The following STX3 variants were observed in gnomAD, a reference collection of about 807,000 sequenced individuals.
STX3 encodes the protein syntaxin 3, also known as syntaxin-3.
In STX3, 19 loss-of-function variants were observed where a neutral mutation model predicts 40.2. The observed-to-expected ratio is 0.47, with a 90% CI of 0.33 to 0.69. The LOEUF is 0.69. STX3 is among the 30% of genes least tolerant of loss of function. The pLI is 0.02. For synonymous variants in STX3, 122 were observed against 132.2 expected (o/e 0.92, Z 0.53); for missense variants, 364 against 366.7 (o/e 0.99, Z 0.06).
Position 59,768,314 on chromosome 11 carries a change from CACTT to C in STX3, c.31-4894_31-4891del, listed in dbSNP as rs528533279. On this transcript the variant is annotated intron_variant, in intron 1 of 10. Transcript: ENST00000337979. ...TCAGGTGCCCAGGAGATACTAGTAA[CACTT>C]ACGAGATACTATCCCTGACTTCAGG... 1.1e-4 allele frequency among the ~76,000 whole-genome samples: 16 copies of C among 152,236 alleles called. No individual in the cohort carries two copies. In the South Asian group the frequency reaches 3.3e-3, roughly 32 times the overall value.
intron 3 of STX3, 126 bp from the exon 4 acceptor site, chr11:59,788,747 G>T: frequency 1.5e-6 from 1 of 686,830 alleles, no homozygotes; most frequent in Non-Finnish European, 2.4e-6. Flanking sequence ...GAGTGCGTAG[G>T]GATAAATACC....
Position 59,755,515 on chromosome 11 carries a change from C to G in STX3, c.-91C>G. 1 of 1,432,448 alleles carries G rather than the reference C, an allele frequency of 7.0e-7. No homozygotes were observed. Among genetic ancestry groups the G allele is most frequent in the Non-Finnish European group, 9.1e-7 (1 of 1,098,246 alleles). 88.7% of individuals were successfully genotyped at this position (1,432,448 alleles called of 1,614,324 possible). A position where few individuals can be genotyped will look rare whatever the true frequency, so the allele number is the denominator to read the frequency against. On this transcript the variant is annotated 5_prime_UTR_variant, in exon 1 of 11. Transcript: ENST00000337979. ...AGCTCCTTCGCCCCGGCGGGCCCGGCCGCCGCTTCCGGCAGCTCACCTGGG... is the reference window on the plus strand; with the variant it reads ...AGCTCCTTCGCCCCGGCGGGCCCGGGCGCCGCTTCCGGCAGCTCACCTGGG...
At chr11:59,762,173 C>T (rs770314949) in intron 1 of STX3, among the ~76,000 whole-genome samples, 21 of 152,156 alleles carry the variant, frequency 1.4e-4, no homozygotes, top group Non-Finnish European at 2.4e-4. Context: ...GGCAGGGCTC[C>T]GGCATCTGTT....
intron 10 of STX3, 113 bp from the exon 11 acceptor site, chr11:59,800,742 C>T: frequency 2.0e-6 from 3 of 1,517,420 alleles, no homozygotes; most frequent in Non-Finnish European, 2.6e-6. Flanking sequence ...TTGTCTATTT[C>T]ATAGTGATTT....
At chr11:59,775,042 A>G (rs574513341) in intron 2 of STX3, among the ~76,000 whole-genome samples, 9 of 152,356 alleles carry the variant, frequency 5.9e-5, no homozygotes, top group African/African-American at 2.2e-4. Flanking sequence ...TGCAGAGAGA[A>G]TGTGATGCTT....
chr11:59,793,588 G>T, intron 8 of STX3, 74 bp downstream of exon 8: 1 of 1,530,112 alleles, frequency 6.5e-7, no homozygotes, highest in Non-Finnish European at 8.8e-7. Flanking sequence ...AGGGAGAAAG[G>T]GAATACTGGA....
In STX3 at chr11:59,802,936, G is replaced by A. The variant is rs968049536; in HGVS notation, c.*2112G>A. 248 of 985,382 alleles carry A rather than the reference G, an allele frequency of 2.5e-4. No homozygotes were observed. Among genetic ancestry groups the A allele is most frequent in the Middle Eastern group, 2.1e-3 (4 of 1,914 alleles). The allele number at this position is 985,382 out of a possible 1,614,324, so 61.0% of individuals were successfully genotyped here. A position where few individuals can be genotyped will look rare whatever the true frequency, so the allele number is the denominator to read the frequency against. On this transcript the variant is annotated 3_prime_UTR_variant, in exon 11 of 11. Coordinates refer to ENST00000337979, the MANE Select transcript of STX3 (RefSeq NM_004177.5). ...CAAAAGAATTTGGTTCAGTCCTTGGGAGTATCTGGCTTTAGGAGGAAATGG... is the reference window on the plus strand; with the variant it reads ...CAAAAGAATTTGGTTCAGTCCTTGGAAGTATCTGGCTTTAGGAGGAAATGG...
intron 2 of STX3, chr11:59,781,703 C>A: frequency 1.9e-6 from 3 of 1,597,240 alleles, no homozygotes; most frequent in African/African-American, 2.7e-5. Context: ...TTCCTTCCAG[C>A]TGCTGAACTG....
intron 9 of STX3, among the ~76,000 whole-genome samples, chr11:59,796,146 T>C (rs962438920): frequency 2.6e-5 from 4 of 152,242 alleles, no homozygotes; most frequent in Middle Eastern, 3.2e-3. Flanking sequence ...CTATACATTA[T>C]GTCATATCTG....
At chr11:59,781,382 A>G (rs1864372285) in intron 2 of STX3, 3 of 1,599,950 alleles carry the variant, frequency 1.9e-6, no homozygotes, top group Non-Finnish European at 2.6e-6. Flanking sequence ...CTAATTTCCC[A>G]TCTTTCAATT....
At chr11:59,771,870 A>G (rs1863668987) in intron 1 of STX3, among the ~76,000 whole-genome samples, 1 of 152,138 alleles carries the variant, frequency 6.6e-6, no homozygotes. Flanking sequence ...AGTTTAGGGA[A>G]GTTGATCGGG....
intron 1 of STX3, among the ~76,000 whole-genome samples, chr11:59,771,675 T>C (rs1863656230): frequency 6.6e-6 from 1 of 151,984 alleles, no homozygotes; most frequent in African/African-American, 2.4e-5. Flanking sequence ...AAAAGAATGG[T>C]GTGTCCAGGG....
intron 9 of STX3, 56 bp from the exon 10 acceptor site, chr11:59,797,227 T>C: frequency 7.0e-7 from 1 of 1,427,602 alleles, no homozygotes; most frequent in South Asian, 1.2e-5. Context: ...GGATGAGTTG[T>C]TATTTTTTTG....
Position 59,755,540 on chromosome 11 carries a change from G to A in STX3, c.-66G>A. On this transcript the variant is annotated 5_prime_UTR_variant, in exon 1 of 11. Transcript: ENST00000337979. The stretch of plus-strand genomic sequence containing the variant: ...CCGCCGCTTCCGGCAGCTCACCTGG[G>A]AAGCGCTCACCTGGGACGCGCTCAC... 3.2e-6 allele frequency: 5 copies of A among 1,560,024 alleles called. No individual in the cohort carries two copies. The highest frequency in any genetic ancestry group is 4.3e-6 in the Non-Finnish European group (5 of 1,161,556).
chr11:59,770,412 G>C (rs1004433744), intron 1 of STX3, among the ~76,000 whole-genome samples: 2 of 151,516 alleles, frequency 1.3e-5, no homozygotes, highest in Non-Finnish European at 2.9e-5. Context: ...TGTGTGTGTG[G>C]GTATATGTAT....
chr11:59,800,774 C>T lies in STX3; in HGVS notation c.*31-81C>T, dbSNP rs1590838856. 2.4e-5 allele frequency: 37 copies of T among 1,533,028 alleles called. 1 individual carries two copies. In the East Asian group the frequency reaches 9.1e-4, roughly 38 times the overall value. The allele number at this position is 1,533,028 out of a possible 1,614,324, so 95.0% of individuals were successfully genotyped here. A position where few individuals can be genotyped will look rare whatever the true frequency, so the allele number is the denominator to read the frequency against. On this transcript the variant is annotated intron_variant, in intron 10 of 10. Transcript: ENST00000337979. Reference sequence around the variant, plus strand: ...ATTTCTGGTCTTTCCTCCCCACCTTCCAGGTTTGTGGCTGACTCCTTCTGT... The same window carrying T: ...ATTTCTGGTCTTTCCTCCCCACCTTTCAGGTTTGTGGCTGACTCCTTCTGT...
At chr11:59,792,287 C>T in intron 6 of STX3, 72 bp downstream of exon 6, 1 of 1,336,332 alleles carries the variant, frequency 7.5e-7, no homozygotes. Flanking sequence ...AGTTTTGAGG[C>T]CCTGGTGGAG....
intron 3 of STX3, among the ~76,000 whole-genome samples, chr11:59,787,957 G>C (rs1864882729): frequency 1.3e-5 from 2 of 152,284 alleles, no homozygotes; most frequent in South Asian, 4.1e-4. Flanking sequence ...GAGCATATGG[G>C]CATTGTCTTG....
At position 59,794,164 on chromosome 11, in the gene STX3, A is replaced by T. The variant is rs1449295219; in HGVS notation, c.675+650A>T. Among the ~76,000 whole-genome samples the T allele has an allele frequency of 2.0e-5, 3 of 152,128 alleles. No homozygotes were observed. The East Asian group carries it at 5.8e-4, about 29-fold the overall frequency. On this transcript the variant is annotated intron_variant, in intron 8 of 10. Transcript: ENST00000337979. Reference sequence around the variant, plus strand: ...GAGCAGACAACAACATGAATGAAGGAGTAGCAAAATAGCATTGACAGAAAG... The same window carrying T: ...GAGCAGACAACAACATGAATGAAGGTGTAGCAAAATAGCATTGACAGAAAG...
Sources: allele counts gnomAD v4.1 joint callset (sites outside exome capture counted in the v4.1 genomes callset), GRCh38; gene constraint gnomAD v4.1.1; transcripts MANE v1.5; gene names NCBI Gene and HGNC (gene_info 2026-07-23, HGNC 2026-07-21).